ZNF385B: variants seen among roughly 807,000 people sequenced by gnomAD.
The protein encoded by ZNF385B is zinc finger protein 385B, also known as zinc finger protein 533.
Under a neutral mutation model 39.2 loss-of-function variants are expected in ZNF385B, and 23 were observed. The ratio of observed to expected loss-of-function variants is 0.59; its 90% confidence interval spans 0.42 to 0.83. ZNF385B has a LOEUF of 0.83. Among genes scored for constraint, ZNF385B ranks in the 40% least tolerant of loss-of-function variants. The pLI, the probability that ZNF385B is intolerant of heterozygous loss-of-function variation, is 0.00. For synonymous variants in ZNF385B, 205 were observed against 222.6 expected (o/e 0.92, Z 0.70); for missense variants, 552 against 598.9 (o/e 0.92, Z 0.82).
At chr2:179,816,727 T>A (rs1397412296) in intron 1 of ZNF385B, among the ~76,000 whole-genome samples, 1 of 152,196 alleles carries the variant, frequency 6.6e-6, no homozygotes, top group Admixed American at 6.5e-5. Flanking sequence ...AGTGACTGAA[T>A]AAAATAAATA....
intron 5 of ZNF385B, among the ~76,000 whole-genome samples, chr2:179,492,347 C>A (rs966968466): frequency 6.6e-6 from 1 of 152,134 alleles, no homozygotes; most frequent in African/African-American, 2.4e-5. Context: ...CAAGTTTATG[C>A]ATTAAAGCTG....
At chr2:179,504,466 T>A (rs2057064285) in intron 5 of ZNF385B, among the ~76,000 whole-genome samples, 1 of 152,196 alleles carries the variant, frequency 6.6e-6, no homozygotes, top group Admixed American at 6.5e-5. Flanking sequence ...ACTTCCACAA[T>A]GGTTGCACCA....
chr2:179,616,491 G>A (rs917209051), intron 3 of ZNF385B, among the ~76,000 whole-genome samples: 4 of 151,824 alleles, frequency 2.6e-5, no homozygotes, highest in African/African-American at 4.8e-5. Flanking sequence ...ATGTCACCAC[G>A]CCGGGCTAAT....
chr2:179,693,710 C>G (rs767005370), intron 3 of ZNF385B, among the ~76,000 whole-genome samples: 2 of 152,040 alleles, frequency 1.3e-5, no homozygotes, highest in South Asian at 4.1e-4. Flanking sequence ...ATCACAGGTA[C>G]GAACAGATTG....
intron 1 of ZNF385B, among the ~76,000 whole-genome samples, chr2:179,840,895 G>T (rs1252919976): frequency 6.6e-6 from 1 of 152,152 alleles, no homozygotes; most frequent in Non-Finnish European, 1.5e-5. Flanking sequence ...TGAAGCCCTG[G>T]GATAAACAAA....
chr2:179,773,618 T>C (rs548358143), intron 1 of ZNF385B, among the ~76,000 whole-genome samples: 1 of 152,326 alleles, frequency 6.6e-6, no homozygotes, highest in Admixed American at 6.5e-5. Flanking sequence ...TTATGACATA[T>C]ATATGGTTTT....
At chr2:179,450,956 T>C (rs200316454) in intron 6 of ZNF385B, among the ~76,000 whole-genome samples, 17,514 of 151,814 alleles carry the variant, frequency 0.12, 1,380 homozygotes, top group East Asian at 0.35. Flanking sequence ...TGCAGGGACA[T>C]GGATGAAGCT....
intron 5 of ZNF385B, among the ~76,000 whole-genome samples, chr2:179,483,719 A>T (rs2054261565): frequency 6.6e-6 from 1 of 152,216 alleles, no homozygotes; most frequent in South Asian, 2.1e-4. Flanking sequence ...GAGCTTTGTC[A>T]TCAGTGCCCT....
intron 1 of ZNF385B, among the ~76,000 whole-genome samples, chr2:179,849,468 G>A (rs1307645111): frequency 6.6e-6 from 1 of 152,124 alleles, no homozygotes; most frequent in Non-Finnish European, 1.5e-5. Context: ...ATAATAGCTG[G>A]TTTTCTCTTC....
chr2:179,824,446 T>C (rs1423681553), intron 1 of ZNF385B, among the ~76,000 whole-genome samples: 2 of 152,160 alleles, frequency 1.3e-5, no homozygotes, highest in African/African-American at 4.8e-5. Context: ...TTTTTATGTT[T>C]TATAATATCC....
At chr2:179,617,656 C>G (rs1438225664) in intron 3 of ZNF385B, among the ~76,000 whole-genome samples, 1 of 152,136 alleles carries the variant, frequency 6.6e-6, no homozygotes, top group South Asian at 2.1e-4. Context: ...GCCTTTCTTA[C>G]AAGTCCTCAT....
chr2:179,698,127 A>T (rs59659952), intron 3 of ZNF385B, among the ~76,000 whole-genome samples: 2,428 of 152,210 alleles, frequency 0.016, 68 homozygotes, highest in African/African-American at 0.055. Context: ...CCAACATGGC[A>T]CATGTAACAA....
At chr2:179,845,971 G>A (rs867135372) in intron 1 of ZNF385B, among the ~76,000 whole-genome samples, 19 of 152,136 alleles carry the variant, frequency 1.2e-4, no homozygotes, top group African/African-American at 4.1e-4. Flanking sequence ...TAAAGGGGAC[G>A]TTTCAGAGAT....
In ZNF385B at chr2:179,729,076, T is replaced by C. The variant is rs892120190; in HGVS notation, c.298+40427A>G. 5.1e-4 allele frequency among the ~76,000 whole-genome samples: 76 copies of C among 149,700 alleles called. 1 individual carries two copies. Among genetic ancestry groups the C allele is most frequent in the African/African-American group, 1.6e-3 (67 of 40,710 alleles). On this transcript the variant is annotated intron_variant, in intron 3 of 9. Transcript: ENST00000410066. ...GAAAATTTAGTTCACATAAAATATT[T>C]ACTCTAAAGTCAAAACTGTATTAAA...
At chr2:179,847,396 A>T (rs916045573) in intron 1 of ZNF385B, among the ~76,000 whole-genome samples, 15 of 152,242 alleles carry the variant, frequency 9.9e-5, no homozygotes, top group African/African-American at 3.4e-4. Flanking sequence ...GTTCATAATT[A>T]ATACAATTTT....
chr2:179,853,839 A>C (rs146487558), intron 1 of ZNF385B, among the ~76,000 whole-genome samples: 1 of 152,302 alleles, frequency 6.6e-6, no homozygotes, highest in African/African-American at 2.4e-5. Flanking sequence ...AGAGAGGTTA[A>C]GTAACTTAGT....
chr2:179,490,013 A>C (rs1038976987), intron 5 of ZNF385B, among the ~76,000 whole-genome samples: 1 of 152,240 alleles, frequency 6.6e-6, no homozygotes, highest in African/African-American at 2.4e-5. Flanking sequence ...GCAGGGCACT[A>C]TTCACATATA....
intron 3 of ZNF385B, among the ~76,000 whole-genome samples, chr2:179,753,385 T>A (rs546141943): frequency 6.6e-6 from 1 of 152,332 alleles, no homozygotes; most frequent in African/African-American, 2.4e-5. Flanking sequence ...GCCTCCAGCT[T>A]TGCTCTTTTG....
intron 1 of ZNF385B, among the ~76,000 whole-genome samples, chr2:179,793,902 G>A (rs528050944): frequency 3.5e-4 from 53 of 152,230 alleles, no homozygotes; most frequent in Non-Finnish European, 6.8e-4. Flanking sequence ...TTACTTTACA[G>A]TTTAAAACTC....
Sources: gnomAD v4.1 joint callset for allele counts (sites outside exome capture counted in the v4.1 genomes callset) on GRCh38, gnomAD v4.1.1 for gene constraint, MANE v1.5 for transcripts, NCBI Gene and HGNC (gene_info 2026-07-23, HGNC 2026-07-21) for gene names.